The following DMD variants were observed in gnomAD, a reference collection of about 807,000 sequenced individuals.
The protein encoded by DMD is dystrophin.
DMD carries 63 observed loss-of-function variants against 330.1 expected under a neutral mutation model. The ratio of observed to expected loss-of-function variants is 0.19; its 90% CI spans 0.16 to 0.24. The LOEUF (loss-of-function observed/expected upper bound fraction) is 0.24. DMD is among the 10% of genes least tolerant of loss of function. DMD has a pLI of 1.00. For missense variants in DMD, 3,344 were observed against 2,684.1 expected (o/e 1.25, Z -5.43); for synonymous variants, 1,223 against 959.8 (o/e 1.27, Z -5.07).
chrX:33,115,757 C>T (rs1339475604), intron 1 of DMD, among the ~76,000 whole-genome samples: 5 of 109,851 alleles, frequency 4.6e-5, no homozygotes, highest in African/African-American at 9.9e-5. Context: ...CCTCGTGATC[C>T]GCCGGCCTCC....
At chrX:32,087,649 T>C in intron 44 of DMD, among the ~76,000 whole-genome samples, 3 of 112,318 alleles carry the variant, frequency 2.7e-5, no homozygotes, top group Non-Finnish European at 5.6e-5. Context: ...AGCAGTCTCA[T>C]GTCCTAAATT....
chrX:31,451,532 T>C (rs1354204035), intron 59 of DMD, among the ~76,000 whole-genome samples: 2 of 110,312 alleles, frequency 1.8e-5, no homozygotes, highest in Admixed American at 9.7e-5. Context: ...TCCACCCACG[T>C]AGGCCTCCCA....
chrX:32,729,958 T>G (rs183035283), intron 7 of DMD, among the ~76,000 whole-genome samples: 3 of 111,704 alleles, frequency 2.7e-5, no homozygotes, highest in East Asian at 5.6e-4. Flanking sequence ...GAGGTATACT[T>G]AAGAGTTGGT....
chrX:33,095,671 T>C (rs976220734), intron 1 of DMD, among the ~76,000 whole-genome samples: 3 of 111,856 alleles, frequency 2.7e-5, no homozygotes, highest in Non-Finnish European at 5.6e-5. Context: ...TATAAACCTG[T>C]CATATTTTAA....
chrX:32,196,781 C>A (rs750527921), intron 44 of DMD, among the ~76,000 whole-genome samples: 57 of 109,456 alleles, frequency 5.2e-4, no homozygotes, highest in Non-Finnish European at 9.3e-4. Flanking sequence ...GTCAGGAGAT[C>A]GAGACCATCC....
chrX:32,203,676 A>C (rs905692554), intron 44 of DMD, among the ~76,000 whole-genome samples: 1 of 111,927 alleles, frequency 8.9e-6, no homozygotes, highest in East Asian at 2.8e-4. Context: ...CATGTCCTCC[A>C]TTTGACAGCC....
At chrX:32,883,839 A>C (rs1369065664) in intron 2 of DMD, among the ~76,000 whole-genome samples, 25 of 105,186 alleles carry the variant, frequency 2.4e-4, no homozygotes, top group African/African-American at 7.3e-4. Context: ...AAAAAAAAAA[A>C]AAAAAAAAAA....
At chrX:32,669,424 C>G (rs1328200547) in intron 9 of DMD, among the ~76,000 whole-genome samples, 1 of 111,597 alleles carries the variant, frequency 9.0e-6, no homozygotes, top group East Asian at 2.8e-4. Flanking sequence ...TAAATCGTAC[C>G]TAACTATGTC....
chrX:32,468,184 C>T (rs1489004842), intron 23 of DMD, among the ~76,000 whole-genome samples: 3 of 110,212 alleles, frequency 2.7e-5, no homozygotes, highest in Non-Finnish European at 5.7e-5. Flanking sequence ...AATGATTACC[C>T]GTATCTTAAA....
At chrX:31,897,120 T>C (rs2094349057) in intron 47 of DMD, among the ~76,000 whole-genome samples, 1 of 108,402 alleles carries the variant, frequency 9.2e-6, no homozygotes, top group African/African-American at 3.4e-5. Flanking sequence ...CCCCTTCCTG[T>C]GTCCATGTGT....
At chrX:31,363,387 T>TA (rs2059057189) in intron 60 of DMD, among the ~76,000 whole-genome samples, 1 of 87,206 alleles carries the variant, frequency 1.1e-5, no homozygotes, top group Admixed American at 1.2e-4. Context: ...TTTTTTTTTT[T>TA]TTTTTTTTTT....
chrX:32,925,159 T>TTTG (rs1340789997), intron 2 of DMD, among the ~76,000 whole-genome samples: 4 of 96,312 alleles, frequency 4.2e-5, no homozygotes, highest in African/African-American at 8.0e-5. Flanking sequence ...TTTTTTTTTT[T>TTTG]TTTTTTTTTT....
intron 45 of DMD, among the ~76,000 whole-genome samples, chrX:31,941,224 TC>T (rs1490624571): frequency 3.6e-5 from 4 of 111,553 alleles, no homozygotes; most frequent in Non-Finnish European, 5.7e-5. Flanking sequence ...GCCATTACCA[TC>T]CGATAGAAAA....
At chrX:32,242,523 T>G (rs772042133) in intron 43 of DMD, among the ~76,000 whole-genome samples, 2 of 112,098 alleles carry the variant, frequency 1.8e-5, no homozygotes, top group South Asian at 7.3e-4. Context: ...TCTATTTTTT[T>G]TCAATAATGG....
intron 2 of DMD, among the ~76,000 whole-genome samples, chrX:32,944,436 A>T (rs1427710167): frequency 9.0e-6 from 1 of 111,618 alleles, no homozygotes; most frequent in Non-Finnish European, 1.9e-5. Context: ...AATTTAATTC[A>T]CTGCATTGTG....
At chrX:31,153,812 A>G (rs978761097) in intron 74 of DMD, among the ~76,000 whole-genome samples, 5 of 112,340 alleles carry the variant, frequency 4.5e-5, no homozygotes, top group Non-Finnish European at 9.4e-5. Flanking sequence ...TTGAGGGACT[A>G]GTTTTTCCTC....
chrX:31,321,350 C>T (rs1386911719), intron 62 of DMD, among the ~76,000 whole-genome samples: 4 of 108,839 alleles, frequency 3.7e-5, no homozygotes, highest in Admixed American at 9.8e-5. Context: ...TTTGGGAGGC[C>T]GAGGCGGGTG....
At chrX:32,256,415 T>A (rs2124743) in intron 43 of DMD, among the ~76,000 whole-genome samples, 1 of 107,237 alleles carries the variant, frequency 9.3e-6, no homozygotes, top group Non-Finnish European at 1.9e-5. Flanking sequence ...TGTTTGCATG[T>A]GAGATGGGTC....
intron 2 of DMD, among the ~76,000 whole-genome samples, chrX:32,934,871 G>T (rs56132635): frequency 0.12 from 13,888 of 111,865 alleles, 744 homozygotes; most frequent in Middle Eastern, 0.21. Flanking sequence ...GTTTTGTGTT[G>T]GTTTTTTCGA....
Sources: allele counts gnomAD v4.1 joint callset (sites outside exome capture counted in the v4.1 genomes callset), GRCh38; gene constraint gnomAD v4.1.1; transcripts MANE v1.5; gene names NCBI Gene and HGNC (gene_info 2026-07-23, HGNC 2026-07-21).